Variants in ATP2B1 observed in about 807,000 individuals in gnomAD.
ATP2B1 encodes ATPase plasma membrane Ca2+ transporting 1, also known as plasma membrane calcium-transporting ATPase 1.
A neutral mutation model predicts 124.2 loss-of-function variants in ATP2B1; 14 were observed. The ratio of observed to expected loss-of-function variants is 0.11; its 90% CI spans 0.07 to 0.18. The LOEUF is 0.18. Ranked by LOEUF, ATP2B1 falls within the 10% of genes least tolerant of loss-of-function variation. The pLI is 1.00. For synonymous variants in ATP2B1, 449 were observed against 492.4 expected (o/e 0.91, Z 1.17); for missense variants, 763 against 1,466.1 (o/e 0.52, Z 7.83).
chr12:89,628,379 G>A (rs1360284973), intron 6 of ATP2B1, among the ~76,000 whole-genome samples: 1 of 120,888 alleles, frequency 8.3e-6, no homozygotes, highest in Admixed American at 1.1e-4. Context: ...TCCAGCCTGG[G>A]GGATAGAGTG....
chr12:89,707,595 G>C (rs758787281), intron 1 of ATP2B1, among the ~76,000 whole-genome samples: 9 of 152,146 alleles, frequency 5.9e-5, no homozygotes, highest in Non-Finnish European at 1.0e-4. Flanking sequence ...CCAAAGAAAA[G>C]GTAAATATCA....
At chr12:89,695,364 T>G (rs1304009478) in intron 1 of ATP2B1, among the ~76,000 whole-genome samples, 8 of 152,024 alleles carry the variant, frequency 5.3e-5, no homozygotes, top group African/African-American at 1.9e-4. Flanking sequence ...CAGTCTCTCC[T>G]CTCAGCAGGT....
intron 1 of ATP2B1, among the ~76,000 whole-genome samples, chr12:89,694,473 CA>C (rs1427726625): frequency 6.6e-6 from 1 of 152,088 alleles, no homozygotes; most frequent in Non-Finnish European, 1.5e-5. Context: ...TACCTGGTAT[CA>C]AATACATTGA....
chr12:89,692,000 C>A (rs1369592456), intron 1 of ATP2B1, among the ~76,000 whole-genome samples: 1 of 151,982 alleles, frequency 6.6e-6, no homozygotes, highest in Non-Finnish European at 1.5e-5. Flanking sequence ...CCTTTTCATG[C>A]ATTAGTACTC....
intron 1 of ATP2B1, among the ~76,000 whole-genome samples, chr12:89,703,655 C>T (rs1333937703): frequency 2.0e-5 from 3 of 151,994 alleles, no homozygotes; most frequent in Non-Finnish European, 2.9e-5. Flanking sequence ...AATAAAAGAA[C>T]ATTCTCTAAT....
intron 3 of ATP2B1, among the ~76,000 whole-genome samples, chr12:89,639,947 A>G (rs1217569330): frequency 6.6e-6 from 1 of 152,222 alleles, no homozygotes; most frequent in Non-Finnish European, 1.5e-5. Flanking sequence ...CTAGAAAACC[A>G]ATACCCAATA....
intron 1 of ATP2B1, among the ~76,000 whole-genome samples, chr12:89,708,346 C>T (rs1232070437): frequency 6.6e-6 from 1 of 152,216 alleles, no homozygotes; most frequent in African/African-American, 2.4e-5. Context: ...GGAGCAGCGA[C>T]TCCCAGACTG....
Position 89,621,705 on chromosome 12 carries a change from T to C in ATP2B1, c.1431A>G (p.Thr477=), listed in dbSNP as rs375942519. The C allele has an allele frequency of 4.1e-5, 66 of 1,612,144 alleles. No homozygotes were observed. In the Middle Eastern group the frequency reaches 2.0e-3, roughly 48 times the overall value. Residue 477 remains threonine, a synonymous_variant, in exon 10 of 21, where the codon ACA becomes ACG. Transcript: ENST00000428670. ...GNATAICSDK[T]GTLTMNRMTV... is the part of the protein sequence containing the mutation. ...TCATTCTGTTCATTGTCAAAGTTCC[T>C]GTTTTATCTGAACAAATAGCTGTAG...
intron 1 of ATP2B1, among the ~76,000 whole-genome samples, chr12:89,665,482 T>C (rs1213262975): frequency 1.3e-5 from 2 of 152,244 alleles, no homozygotes; most frequent in Non-Finnish European, 2.9e-5. Context: ...TTAGGCATTT[T>C]AGAAACCTTT....
intron 2 of ATP2B1, among the ~76,000 whole-genome samples, chr12:89,650,482 G>A (rs1202691347): frequency 2.6e-5 from 4 of 152,156 alleles, no homozygotes; most frequent in Non-Finnish European, 4.4e-5. Context: ...GGGGGAGACT[G>A]ACAAGCAACC....
At chr12:89,651,284 G>A (rs1012443850) in intron 2 of ATP2B1, among the ~76,000 whole-genome samples, 14 of 152,102 alleles carry the variant, frequency 9.2e-5, no homozygotes, top group Admixed American at 4.6e-4. Context: ...CACTCTTTTT[G>A]TTCTTGAGAC....
chr12:89,704,410 A>T (rs1892205580), intron 1 of ATP2B1, among the ~76,000 whole-genome samples: 1 of 152,164 alleles, frequency 6.6e-6, no homozygotes, highest in Non-Finnish European at 1.5e-5. Flanking sequence ...AGCTCAACCC[A>T]AACAAACCCA....
chr12:89,698,843 G>A (rs1891487123), intron 1 of ATP2B1, among the ~76,000 whole-genome samples: 1 of 152,158 alleles, frequency 6.6e-6, no homozygotes, highest in African/African-American at 2.4e-5. Flanking sequence ...AATTCTGAAA[G>A]CTGGGTGAGG....
intron 3 of ATP2B1, 142 bp downstream of exon 3, chr12:89,642,016 A>G (rs1182548754): frequency 1.3e-6 from 1 of 796,040 alleles, no homozygotes. Flanking sequence ...GTTATCTGAG[A>G]TAATATATTT....
At chr12:89,653,080 G>C (rs1194484669) in intron 2 of ATP2B1, among the ~76,000 whole-genome samples, 1 of 152,034 alleles carries the variant, frequency 6.6e-6, no homozygotes, top group Admixed American at 6.6e-5. Flanking sequence ...AAAATGGCTT[G>C]CTTCACATTC....
At chr12:89,662,679 C>A (rs1243001389) in intron 1 of ATP2B1, among the ~76,000 whole-genome samples, 1 of 152,056 alleles carries the variant, frequency 6.6e-6, no homozygotes, top group Non-Finnish European at 1.5e-5. Flanking sequence ...GCTGATAAAG[C>A]AGAAAATAAG....
At chr12:89,648,022 G>T (rs561275003) in intron 2 of ATP2B1, among the ~76,000 whole-genome samples, 15 of 152,312 alleles carry the variant, frequency 9.8e-5, no homozygotes, top group Admixed American at 5.9e-4. Flanking sequence ...CCGCAGAATT[G>T]TGAGCCCATT....
At chr12:89,681,144 C>T (rs1052989919) in intron 1 of ATP2B1, among the ~76,000 whole-genome samples, 35 of 151,552 alleles carry the variant, frequency 2.3e-4, no homozygotes, top group Non-Finnish European at 4.4e-4. Context: ...AAGTGGAACA[C>T]GGTAAAAAGA....
Position 89,617,039 on chromosome 12 carries a change from C to T in ATP2B1, c.1830G>A (p.Lys610=). The T allele has an allele frequency of 6.2e-7, 1 of 1,607,436 alleles. No individual in the cohort carries two copies. Among genetic ancestry groups the T allele is most frequent in the Non-Finnish European group, 8.5e-7 (1 of 1,174,166 alleles). The change falls in exon 12 of 21, where the codon AAG becomes AAA. Residue 610 remains lysine, a splice_region_variant and synonymous_variant. Transcript: ENST00000428670. ...SKGASEIILK[K]CFKILSANGE... is the part of the protein sequence containing the mutation. Reference sequence around the variant, plus strand: ...CATTAGCACTCAAGATTTTGAAACACCTAAAAGGAAATGTTGAATCCAAAC... The same window carrying T: ...CATTAGCACTCAAGATTTTGAAACATCTAAAAGGAAATGTTGAATCCAAAC...
Sources: gnomAD v4.1 joint callset for allele counts (sites outside exome capture counted in the v4.1 genomes callset) on GRCh38, gnomAD v4.1.1 for gene constraint, MANE v1.5 for transcripts, NCBI Gene and HGNC (gene_info 2026-07-23, HGNC 2026-07-21) for gene names.